The following EFCAB13 variants were observed in gnomAD, a reference collection of about 807,000 sequenced individuals.
EFCAB13 encodes EF-hand calcium binding domain 13.
In EFCAB13, 91 loss-of-function variants were observed where a neutral mutation model predicts 110.2. The ratio of observed to expected loss-of-function variants is 0.83; its 90% CI spans 0.70 to 0.98. EFCAB13 has a LOEUF of 0.98. EFCAB13 is among the 50% of genes least tolerant of loss of function. EFCAB13 has a pLI of 0.00. For missense variants in EFCAB13, 968 were observed against 1,119.4 expected (o/e 0.86, Z 1.93); for synonymous variants, 323 against 369.9 (o/e 0.87, Z 1.45).
chr17:47,335,044 A>G (rs2065341278), intron 4 of EFCAB13, 152 bp from the exon 5 acceptor site: 3 of 721,258 alleles, frequency 4.2e-6, no homozygotes, highest in East Asian at 2.9e-5. Flanking sequence ...AAAATAATAC[A>G]TTAGTGAGTA....
At chr17:47,349,021 G>A (rs2065433646) in intron 9 of EFCAB13, among the ~76,000 whole-genome samples, 1 of 152,158 alleles carries the variant, frequency 6.6e-6, no homozygotes, top group Non-Finnish European at 1.5e-5. Flanking sequence ...AGTCAAAGTA[G>A]TTCATTAAAA....
chr17:47,373,621 G>A (rs1308633958), intron 11 of EFCAB13, among the ~76,000 whole-genome samples: 1 of 152,128 alleles, frequency 6.6e-6, no homozygotes, highest in Admixed American at 6.5e-5. Context: ...TAAATCAGAA[G>A]TGTCAAAGAT....
chr17:47,338,118 A>G (rs867250696), intron 5 of EFCAB13, among the ~76,000 whole-genome samples: 1 of 152,190 alleles, frequency 6.6e-6, no homozygotes, highest in African/African-American at 2.4e-5. Flanking sequence ...AGTCATGATT[A>G]TATTAGAAAT....
chr17:47,374,156 A>C (rs75093324), intron 11 of EFCAB13, among the ~76,000 whole-genome samples: 1,963 of 152,274 alleles, frequency 0.013, 39 homozygotes, highest in East Asian at 0.066. Flanking sequence ...TTAGCTTATT[A>C]ATCTATTATC....
chr17:47,370,372 G>T, intron 10 of EFCAB13, 65 bp from the exon 11 acceptor site: 1 of 1,092,596 alleles, frequency 9.2e-7, no homozygotes, highest in South Asian at 1.3e-5. Flanking sequence ...TTTCATATTA[G>T]AATAGGATGG....
intron 5 of EFCAB13, among the ~76,000 whole-genome samples, chr17:47,338,243 GT>G (rs11334311): frequency 0.53 from 72,465 of 137,638 alleles, 18,255 homozygotes; most frequent in East Asian, 0.58. Flanking sequence ...GTCACTACTA[GT>G]TTTTTTTTTT....
At chr17:47,371,984 T>C (rs2065587326) in intron 11 of EFCAB13, among the ~76,000 whole-genome samples, 1 of 152,230 alleles carries the variant, frequency 6.6e-6, no homozygotes, top group Non-Finnish European at 1.5e-5. Flanking sequence ...AATAAAGACA[T>C]ACCCGAGACT....
At chr17:47,421,058 C>T (rs1250912455) in intron 23 of EFCAB13, among the ~76,000 whole-genome samples, 7 of 144,132 alleles carry the variant, frequency 4.9e-5, no homozygotes, top group East Asian at 2.2e-4. Context: ...CCACCCCGCC[C>T]GGGAGGTGAG....
intron 8 of EFCAB13, among the ~76,000 whole-genome samples, chr17:47,345,355 A>G (rs1268148996): frequency 6.6e-6 from 1 of 152,124 alleles, no homozygotes; most frequent in Admixed American, 6.5e-5. Flanking sequence ...TTTTGGAAAA[A>G]TGTCTGCATA....
chr17:47,410,447 C>G (rs1476622296), intron 21 of EFCAB13, among the ~76,000 whole-genome samples: 6 of 152,168 alleles, frequency 3.9e-5, no homozygotes, highest in Admixed American at 3.9e-4. Context: ...CACAATCAAA[C>G]CATAGCATTC....
In EFCAB13 at chr17:47,431,974, G is replaced by A. The variant is rs1383487836; in HGVS notation, c.2638+2013G>A. ...TGTTAACATGCTGACTTAGAATTAA[G>A]GCTGGGCATTGTGTTTCATGCCTGT... On this transcript the variant is annotated intron_variant, in intron 24 of 24. Transcript: ENST00000331493. The surrounding 1 kb of genome is among the most constrained non-coding windows in gnomAD (Gnocchi z 4.1). Among the ~76,000 whole-genome samples, 1 of 152,164 alleles carries A rather than the reference G, an allele frequency of 6.6e-6. No homozygotes were observed. The highest frequency in any genetic ancestry group is 6.5e-5 in the Admixed American group (1 of 15,274).
At chr17:47,390,914 G>GTCTA (rs1555583667) in intron 14 of EFCAB13, among the ~76,000 whole-genome samples, 31,415 of 150,142 alleles carry the variant, frequency 0.21, 4,031 homozygotes, top group African/African-American at 0.35. Flanking sequence ...GTGTCTGTCT[G>GTCTA]TCTATCTATC....
intron 14 of EFCAB13, 121 bp downstream of exon 14, chr17:47,379,374 C>A: frequency 1.5e-6 from 1 of 677,554 alleles, no homozygotes. Context: ...GACTCTTAGG[C>A]AAGTCAGTTG....
At chr17:47,348,000 A>G in intron 9 of EFCAB13, 49 bp downstream of exon 9, 4 of 1,300,074 alleles carry the variant, frequency 3.1e-6, no homozygotes, top group Non-Finnish European at 4.0e-6. Context: ...AATCATAAAT[A>G]TGTTTGTCAG....
intron 10 of EFCAB13, among the ~76,000 whole-genome samples, chr17:47,370,193 A>G (rs2065573813): frequency 6.6e-6 from 1 of 152,238 alleles, no homozygotes; most frequent in Admixed American, 6.5e-5. Context: ...ATAAGAGCTT[A>G]AAACATGACT....
intron 20 of EFCAB13, among the ~76,000 whole-genome samples, chr17:47,406,195 C>A (rs761617578): frequency 2.0e-5 from 3 of 152,180 alleles, no homozygotes; most frequent in African/African-American, 7.2e-5. Context: ...TCACTGCAAC[C>A]TCTGCCTCCC....
intron 10 of EFCAB13, among the ~76,000 whole-genome samples, chr17:47,364,514 T>G (rs2065534905): frequency 6.6e-6 from 1 of 152,180 alleles, no homozygotes; most frequent in Admixed American, 6.5e-5. Flanking sequence ...GGTTTCACCA[T>G]GTTGGCCAGG....
intron 2 of EFCAB13, among the ~76,000 whole-genome samples, chr17:47,325,921 AAAAT>A (rs1241780951): frequency 2.4e-3 from 153 of 62,494 alleles, no homozygotes; most frequent in African/African-American, 0.011. Context: ...ATATATAAAC[AAAAT>A]ATATATATAT....
Position 47,404,080 on chromosome 17 carries a change from A to G in EFCAB13, c.2161+59A>G, listed in dbSNP as rs2065792807. On this transcript the variant is annotated intron_variant, in intron 19 of 24. Transcript: ENST00000331493. ...TTTTGTAGGAGTAAAGAAGATGTGC[A>G]AGGTCTATAGGTATTTGCTTATGTT... The G allele has an allele frequency of 3.7e-6, 5 of 1,351,244 alleles. No individual in the cohort carries two copies. The South Asian group carries it at 6.9e-5, about 19-fold the overall frequency. 83.7% of individuals were successfully genotyped at this position (1,351,244 alleles called of 1,614,324 possible). A position where few individuals can be genotyped will look rare whatever the true frequency, so the allele number is the denominator to read the frequency against.
Sources: gnomAD v4.1 joint callset for allele counts (sites outside exome capture counted in the v4.1 genomes callset) on GRCh38, gnomAD v4.1.1 for gene constraint, Gnocchi (gnomAD v3.1) non-coding constraint, MANE v1.5 for transcripts, NCBI Gene and HGNC (gene_info 2026-07-23, HGNC 2026-07-21) for gene names.